Variants in SORBS2 observed in about 807,000 individuals in gnomAD.
SORBS2 encodes the protein sorbin and SH3 domain-containing protein 2.
Under a neutral mutation model 97.7 loss-of-function variants are expected in SORBS2, and 46 were observed. The observed-to-expected ratio is 0.47, with a 90% confidence interval of 0.37 to 0.60. SORBS2 has a LOEUF of 0.60. Among genes scored for constraint, SORBS2 ranks in the 20% least tolerant of loss-of-function variants. The probability of loss-of-function intolerance (pLI) is 0.00; values close to 1 mark genes in which losing one functional copy is unlikely to be tolerated. For missense variants in SORBS2, 1,316 were observed against 1,282.3 expected, an observed-to-expected ratio of 1.03 and a Z score of -0.40; for synonymous variants, 476 against 473.4, an observed-to-expected ratio of 1.01 and a Z score of -0.07.
intron 1 of SORBS2, among the ~76,000 whole-genome samples, chr4:185,874,400 A>AGCTTTCT (rs1296657187): frequency 6.6e-6 from 1 of 152,214 alleles, no homozygotes; most frequent in East Asian, 1.9e-4. Flanking sequence ...TTGGAATGCA[A>AGCTTTCT]GCTTTCTGAG....
intron 4 of SORBS2, among the ~76,000 whole-genome samples, chr4:185,640,083 A>C (rs1417572641): frequency 6.6e-6 from 1 of 152,210 alleles, no homozygotes; most frequent in Admixed American, 6.5e-5. Context: ...CTTTGTTTCA[A>C]TATTTTATAA....
At chr4:185,805,341 T>A (rs1561140998) in intron 1 of SORBS2, among the ~76,000 whole-genome samples, 1 of 152,216 alleles carries the variant, frequency 6.6e-6, no homozygotes, top group Non-Finnish European at 1.5e-5. Flanking sequence ...TGTCACTTTA[T>A]CTGTAGATTC....
At chr4:185,685,734 G>C (rs900478567) in intron 2 of SORBS2, among the ~76,000 whole-genome samples, 1 of 152,130 alleles carries the variant, frequency 6.6e-6, no homozygotes, top group Non-Finnish European at 1.5e-5. Flanking sequence ...TGTTCCCCAG[G>C]CTGGTCTCAA....
chr4:185,699,913 T>C (rs764664146), intron 2 of SORBS2, among the ~76,000 whole-genome samples: 5 of 152,234 alleles, frequency 3.3e-5, no homozygotes, highest in Non-Finnish European at 7.3e-5. Flanking sequence ...ATGTACTAAA[T>C]GTACAAGTGT....
intron 1 of SORBS2, among the ~76,000 whole-genome samples, chr4:185,855,136 A>G (rs1207628850): frequency 6.6e-6 from 1 of 152,200 alleles, no homozygotes; most frequent in Non-Finnish European, 1.5e-5. Context: ...GGTCCAGGGC[A>G]TAGTTTTTCC....
rs117968059 is a variant in SORBS2 at position 185,857,747 on chromosome 4, T to C, written c.-337-82381A>G. 6.3e-4 allele frequency among the ~76,000 whole-genome samples: 96 copies of C among 152,280 alleles called. 2 individuals carry two copies. In the East Asian group the frequency reaches 0.018, roughly 28 times the overall value. On this transcript the variant is annotated intron_variant, in intron 1 of 20. Transcript: ENST00000284776. Reference sequence around the variant, plus strand: ...CTCTGGGAGTGTCTGTCTTATACGGTTGAGATAAGGGATGAAATACGCCCT... The same window carrying C: ...CTCTGGGAGTGTCTGTCTTATACGGCTGAGATAAGGGATGAAATACGCCCT...
intron 2 of SORBS2, among the ~76,000 whole-genome samples, chr4:185,700,789 C>A (rs1231229223): frequency 6.6e-6 from 1 of 152,104 alleles, no homozygotes; most frequent in East Asian, 1.9e-4. Flanking sequence ...CAGCAAAATG[C>A]CAACTCAGAT....
At chr4:185,833,571 T>TTACTACAA (rs1343922674) in intron 1 of SORBS2, among the ~76,000 whole-genome samples, 1 of 152,200 alleles carries the variant, frequency 6.6e-6, no homozygotes, top group Non-Finnish European at 1.5e-5. Context: ...GGATAATAGA[T>TTACTACAA]TACTACAATA....
chr4:185,600,704 G>C (rs943410817), intron 12 of SORBS2, among the ~76,000 whole-genome samples: 8 of 152,142 alleles, frequency 5.3e-5, no homozygotes, highest in Non-Finnish European at 7.3e-5. Context: ...AACCTGCCCT[G>C]CTTTTTCATC....
chr4:185,722,833 G>C (rs2098526294), intron 2 of SORBS2, among the ~76,000 whole-genome samples: 1 of 152,162 alleles, frequency 6.6e-6, no homozygotes, highest in African/African-American at 2.4e-5. Flanking sequence ...AAGTGCCCAG[G>C]AAAATAAACA....
intron 2 of SORBS2, among the ~76,000 whole-genome samples, chr4:185,701,329 A>C (rs562692285): frequency 6.6e-6 from 1 of 152,326 alleles, no homozygotes; most frequent in East Asian, 1.9e-4. Flanking sequence ...ATCACCTTAC[A>C]GATCCAACCT....
intron 11 of SORBS2, among the ~76,000 whole-genome samples, chr4:185,612,627 T>G (rs2096559082): frequency 6.6e-6 from 1 of 151,948 alleles, no homozygotes; most frequent in African/African-American, 2.4e-5. Context: ...TAGCTGGGAT[T>G]ACAGGCGCCC....
intron 4 of SORBS2, among the ~76,000 whole-genome samples, chr4:185,670,282 A>C (rs1353139542): frequency 6.6e-6 from 1 of 152,126 alleles, no homozygotes; most frequent in Non-Finnish European, 1.5e-5. Context: ...ATAATGTGTG[A>C]GTGTTAATAA....
chr4:185,629,416 T>C (rs192542523), intron 5 of SORBS2, among the ~76,000 whole-genome samples: 121 of 152,196 alleles, frequency 8.0e-4, no homozygotes, highest in Middle Eastern at 3.4e-3. Context: ...AATTTATGAT[T>C]GACCCAATTC....
chr4:185,788,564 C>T (rs2099066726), intron 1 of SORBS2, among the ~76,000 whole-genome samples: 1 of 152,154 alleles, frequency 6.6e-6, no homozygotes, highest in African/African-American at 2.4e-5. Flanking sequence ...ACAAGGCTCG[C>T]TGGTGAAACT....
At chr4:185,799,845 G>A (rs1292179205) in intron 1 of SORBS2, among the ~76,000 whole-genome samples, 1 of 152,120 alleles carries the variant, frequency 6.6e-6, no homozygotes, top group Non-Finnish European at 1.5e-5. Flanking sequence ...TCGTACCTCG[G>A]CTTACTTCAC....
chr4:185,662,011 T>C lies in SORBS2; in HGVS notation c.94+93A>G, dbSNP rs1582114883. 4.2e-6 allele frequency: 6 copies of C among 1,427,806 alleles called. No individual in the cohort carries two copies. The East Asian group carries it at 1.4e-4, about 33-fold the overall frequency. 88.4% of individuals were successfully genotyped at this position (1,427,806 alleles called of 1,614,324 possible). Reference sequence around the variant, plus strand: ...GGATAGGGTCATGAGTGCTGAGCGCTCCCGCCTCACCTTGATGCCGCATAT... The same window carrying C: ...GGATAGGGTCATGAGTGCTGAGCGCCCCCGCCTCACCTTGATGCCGCATAT... On this transcript the variant is annotated intron_variant, in intron 5 of 20. Coordinates refer to the SORBS2 transcript ENST00000284776.
At chr4:185,939,091 C>A (rs1228281368) in intron 1 of SORBS2, among the ~76,000 whole-genome samples, 1 of 152,160 alleles carries the variant, frequency 6.6e-6, no homozygotes, top group Admixed American at 6.5e-5. Flanking sequence ...AACCTCTGCG[C>A]CCTGGCCATA....
At chr4:185,847,983 G>A (rs2099215504) in intron 1 of SORBS2, among the ~76,000 whole-genome samples, 1 of 152,174 alleles carries the variant, frequency 6.6e-6, no homozygotes, top group Non-Finnish European at 1.5e-5. Context: ...GGCCTGAATT[G>A]TGGGATCTGA....
Sources: gnomAD v4.1 joint callset for allele counts (sites outside exome capture counted in the v4.1 genomes callset) on GRCh38, gnomAD v4.1.1 for gene constraint, MANE v1.5 for transcripts, NCBI Gene and HGNC (gene_info 2026-07-23, HGNC 2026-07-21) for gene names.